The following FAM174A variants were observed in gnomAD, a reference collection of about 807,000 sequenced individuals.
FAM174A encodes the protein membrane protein FAM174A.
In FAM174A, 14 loss-of-function variants were observed where a neutral mutation model predicts 14.3. That is an observed-to-expected ratio of 0.98 (90% confidence interval 0.65 to 1.53). The LOEUF (loss-of-function observed/expected upper bound fraction) is 1.53. Among genes scored for constraint, FAM174A ranks in the 40% most tolerant of loss-of-function variants. The pLI is 0.00. For missense variants in FAM174A, 241 were observed against 249.6 expected (o/e 0.97, Z 0.23); for synonymous variants, 108 against 111.4 (o/e 0.97, Z 0.19).
chr5:100,545,378 G>A (rs27626), intron 1 of FAM174A, among the ~76,000 whole-genome samples: 85,934 of 151,930 alleles, frequency 0.57, 26,676 homozygotes, highest in African/African-American at 0.81. Flanking sequence ...GGCGTTTTTG[G>A]ATAGATTTTT....
At chr5:100,560,862 G>A (rs758869792) in intron 1 of FAM174A, among the ~76,000 whole-genome samples, 1 of 151,948 alleles carries the variant, frequency 6.6e-6, no homozygotes, top group Non-Finnish European at 1.5e-5. Flanking sequence ...ACATTTTGCT[G>A]TCTGTGGAGT....
At chr5:100,585,278 G>A (rs1747105604) in intron 2 of FAM174A, among the ~76,000 whole-genome samples, 3 of 152,130 alleles carry the variant, frequency 2.0e-5, no homozygotes, top group Admixed American at 2.0e-4. Flanking sequence ...TGTATAGTCT[G>A]TGCTTATGTG....
At chr5:100,583,468 C>A (rs558124982) in intron 2 of FAM174A, among the ~76,000 whole-genome samples, 242 of 152,214 alleles carry the variant, frequency 1.6e-3, no homozygotes, top group Non-Finnish European at 2.8e-3. Context: ...ACATTGACTA[C>A]TGCCAATTTG....
intron 2 of FAM174A, among the ~76,000 whole-genome samples, chr5:100,584,408 T>G (rs1437396742): frequency 6.6e-6 from 1 of 152,186 alleles, no homozygotes; most frequent in African/African-American, 2.4e-5. Flanking sequence ...TCTTTTCTCC[T>G]CAATGATTTT....
intron 1 of FAM174A, among the ~76,000 whole-genome samples, chr5:100,558,839 G>A (rs548092479): frequency 2.2e-4 from 34 of 152,210 alleles, no homozygotes; most frequent in African/African-American, 7.5e-4. Flanking sequence ...TTCTCTGCAT[G>A]TGAGATGGGT....
chr5:100,541,552 G>A (rs1178880020), intron 1 of FAM174A, among the ~76,000 whole-genome samples: 1 of 152,050 alleles, frequency 6.6e-6, no homozygotes, highest in Non-Finnish European at 1.5e-5. Context: ...ATTTAAGAAT[G>A]AACTATCCAG....
intron 2 of FAM174A, among the ~76,000 whole-genome samples, chr5:100,564,191 T>G (rs1746590048): frequency 6.6e-6 from 1 of 151,910 alleles, no homozygotes; most frequent in African/African-American, 2.4e-5. Flanking sequence ...ACGAGCCAAT[T>G]AAACCTCTTT....
intron 2 of FAM174A, among the ~76,000 whole-genome samples, chr5:100,575,754 A>C (rs766768400): frequency 6.6e-6 from 1 of 152,214 alleles, no homozygotes; most frequent in Non-Finnish European, 1.5e-5. Context: ...GGGAACCTAC[A>C]GAATGGGAGA....
chr5:100,579,573 C>T (rs1396411043), intron 2 of FAM174A, among the ~76,000 whole-genome samples: 5 of 151,920 alleles, frequency 3.3e-5, no homozygotes, highest in Non-Finnish European at 7.4e-5. Context: ...TACAGATGCC[C>T]GCCGCCACAC....
intron 2 of FAM174A, among the ~76,000 whole-genome samples, chr5:100,568,714 T>G (rs1746714948): frequency 6.6e-6 from 1 of 150,440 alleles, no homozygotes; most frequent in African/African-American, 2.5e-5. Flanking sequence ...AAGAATTGCT[T>G]TGCTTAAAAA....
intron 2 of FAM174A, 72 bp downstream of exon 2, chr5:100,562,260 T>A: frequency 7.3e-7 from 1 of 1,376,524 alleles, no homozygotes; most frequent in South Asian, 1.3e-5. Flanking sequence ...AGAAGTAAAG[T>A]AGACTTTCAT....
intron 2 of FAM174A, among the ~76,000 whole-genome samples, chr5:100,565,826 T>C (rs1277736455): frequency 6.6e-6 from 1 of 151,672 alleles, no homozygotes; most frequent in Non-Finnish European, 1.5e-5. Flanking sequence ...AGAGGTTTAA[T>C]GGACTCACAA....
chr5:100,542,030 T>C (rs1164286869), intron 1 of FAM174A, among the ~76,000 whole-genome samples: 1 of 152,220 alleles, frequency 6.6e-6, no homozygotes, highest in Non-Finnish European at 1.5e-5. Flanking sequence ...CTTACTCATC[T>C]TTGGTCCCTA....
chr5:100,557,336 G>T (rs1018492790), intron 1 of FAM174A, among the ~76,000 whole-genome samples: 1 of 152,098 alleles, frequency 6.6e-6, no homozygotes, highest in African/African-American at 2.4e-5. Flanking sequence ...GATTCGGTTT[G>T]CCAGTATTTT....
chr5:100,562,092 T>A lies in FAM174A; in HGVS notation c.473T>A (p.Val158Asp). Residue 158 changes from valine (V) to aspartate (D), a missense_variant, in exon 2 of 3, where the codon GTT becomes GAT. Transcript: ENST00000312637. ...RRNRKTRRYGVLDTNIENMEL... is the reference protein window; with the variant it reads ...RRNRKTRRYGDLDTNIENMEL... ...AACCGAAAGACTAGGAGATATGGAG[T>A]TTTGGACACTAACATAGAAAATATG... 6.3e-7 allele frequency: 1 copy of A among 1,585,440 alleles called. No individual in the cohort carries two copies. Among genetic ancestry groups the A allele is most frequent in the Middle Eastern group, 1.7e-4 (1 of 5,968 alleles).
chr5:100,542,403 C>T (rs1226160238), intron 1 of FAM174A, among the ~76,000 whole-genome samples: 1 of 152,238 alleles, frequency 6.6e-6, no homozygotes, highest in Admixed American at 6.5e-5. Flanking sequence ...TCCCATGTCT[C>T]TCTTTTGCTT....
intron 2 of FAM174A, 58 bp from the exon 3 acceptor site, chr5:100,586,123 A>T: frequency 1.1e-6 from 1 of 934,210 alleles, no homozygotes; most frequent in Non-Finnish European, 1.6e-6. Context: ...ATAGTTTTAA[A>T]TGTTTTTAAA....
At chr5:100,565,054 C>T (rs887745896) in intron 2 of FAM174A, among the ~76,000 whole-genome samples, 6 of 151,372 alleles carry the variant, frequency 4.0e-5, no homozygotes, top group East Asian at 1.9e-4. Flanking sequence ...CAAAGCCAGA[C>T]GAAGGAAAGC....
rs1026871311 is a variant in FAM174A, at chr5:100,579,629, T to C, written c.570-6552T>C. Among the ~76,000 whole-genome samples the C allele has an allele frequency of 3.3e-5, 5 of 152,128 alleles. 1 individual carries two copies. Among genetic ancestry groups the C allele is most frequent in the Admixed American group, 1.3e-4 (2 of 15,272 alleles). On this transcript the variant is annotated intron_variant, in intron 2 of 2. Coordinates refer to ENST00000312637, the MANE Select transcript of FAM174A (RefSeq NM_198507.3). ...TTAGTAGAGATGGGGTTTCACAATGTTGATCAGGCTGGTCCTGAATTCCTG... is the reference window on the plus strand; with the variant it reads ...TTAGTAGAGATGGGGTTTCACAATGCTGATCAGGCTGGTCCTGAATTCCTG...
Sources: allele counts gnomAD v4.1 joint callset (sites outside exome capture counted in the v4.1 genomes callset), GRCh38; gene constraint gnomAD v4.1.1; transcripts MANE v1.5; gene names NCBI Gene and HGNC (gene_info 2026-07-23, HGNC 2026-07-21).